Variants in DLG2 observed in about 807,000 individuals in gnomAD.
DLG2 encodes the protein discs large MAGUK scaffold protein 2.
A neutral mutation model predicts 132.5 loss-of-function variants in DLG2; 45 were observed. That is an observed-to-expected ratio of 0.34 (90% confidence interval 0.27 to 0.44). The LOEUF (loss-of-function observed/expected upper bound fraction) is 0.44, where lower values mean the gene tolerates loss of function less well. DLG2 is among the 20% of genes least tolerant of loss of function. The pLI, the probability that DLG2 is intolerant of heterozygous loss-of-function variation, is 1.00. For missense variants in DLG2, 1,045 were observed against 1,196.9 expected (o/e 0.87, Z 1.87); for synonymous variants, 424 against 419.6 (o/e 1.01, Z -0.13).
intron 17 of DLG2, among the ~76,000 whole-genome samples, chr11:83,799,737 G>A (rs916216760): frequency 1.3e-5 from 2 of 152,138 alleles, no homozygotes; most frequent in Non-Finnish European, 2.9e-5. Context: ...GGTTTGGGTG[G>A]GAGGATAATG....
chr11:85,474,152 T>A (rs1451608109), intron 3 of DLG2, among the ~76,000 whole-genome samples: 2 of 151,958 alleles, frequency 1.3e-5, no homozygotes, highest in African/African-American at 2.4e-5. Context: ...ACCAAAATAG[T>A]TAAATTGTTA....
chr11:85,159,492 C>T (rs1227808777), intron 4 of DLG2, among the ~76,000 whole-genome samples: 2 of 152,176 alleles, frequency 1.3e-5, no homozygotes, highest in Non-Finnish European at 2.9e-5. Context: ...AGTGCCAACA[C>T]CAAGGACTTG....
intron 7 of DLG2, among the ~76,000 whole-genome samples, chr11:84,322,553 T>C (rs1347288507): frequency 1.3e-5 from 2 of 151,964 alleles, no homozygotes; most frequent in African/African-American, 4.8e-5. Flanking sequence ...GTCATATTAA[T>C]TTTAAAATAA....
At chr11:84,132,581 A>G (rs1316003003) in intron 9 of DLG2, among the ~76,000 whole-genome samples, 1 of 152,008 alleles carries the variant, frequency 6.6e-6, no homozygotes, top group African/African-American at 2.4e-5. Context: ...TTTATTGAGA[A>G]CCTACTATGT....
Position 84,018,551 on chromosome 11 carries a change from G to C in DLG2, c.920-37909C>G, listed in dbSNP as rs1038146007. Among the ~76,000 whole-genome samples, 3 of 151,888 alleles carry C rather than the reference G, an allele frequency of 2.0e-5. No homozygotes were observed. In the East Asian group the frequency reaches 5.8e-4, roughly 29 times the overall value. ...CATTAATGGCTGCTAATGTAAAAAA[G>C]GGTGAAAATAATATTACTTGCTTTA... On this transcript the variant is annotated intron_variant, in intron 11 of 27. Transcript: ENST00000376104.
intron 19 of DLG2, among the ~76,000 whole-genome samples, chr11:83,619,890 G>T (rs2061374651): frequency 6.8e-6 from 1 of 147,042 alleles, no homozygotes; most frequent in Non-Finnish European, 1.5e-5. Context: ...GAAAAAGTAA[G>T]ATGACACTGG....
At chr11:83,982,728 A>C (rs2092907290) in intron 11 of DLG2, among the ~76,000 whole-genome samples, 1 of 152,136 alleles carries the variant, frequency 6.6e-6, no homozygotes, top group African/African-American at 2.4e-5. Flanking sequence ...CTAGGACTTC[A>C]CATTTACTCA....
At chr11:84,868,493 G>C (rs191461978) in intron 6 of DLG2, among the ~76,000 whole-genome samples, 8 of 152,224 alleles carry the variant, frequency 5.3e-5, no homozygotes, top group Non-Finnish European at 8.8e-5. Flanking sequence ...TTCGTAACCA[G>C]AGAAACAGAA....
At chr11:85,477,914 G>T (rs1565552809) in intron 3 of DLG2, among the ~76,000 whole-genome samples, 1 of 152,160 alleles carries the variant, frequency 6.6e-6, no homozygotes, top group African/African-American at 2.4e-5. Context: ...TGTCCACAAG[G>T]TTCTTAGCAC....
intron 7 of DLG2, among the ~76,000 whole-genome samples, chr11:84,371,982 T>C (rs911061394): frequency 2.6e-5 from 4 of 152,224 alleles, no homozygotes; most frequent in Non-Finnish European, 5.9e-5. Context: ...AAAAATTGCA[T>C]GTTCAGATCT....
intron 3 of DLG2, among the ~76,000 whole-genome samples, chr11:85,576,718 G>A (rs2153227022): frequency 6.6e-6 from 1 of 152,178 alleles, no homozygotes; most frequent in African/African-American, 2.4e-5. Flanking sequence ...AGACAACCAA[G>A]TTCTTTCCTT....
At chr11:85,483,774 T>C (rs1490476608) in intron 3 of DLG2, among the ~76,000 whole-genome samples, 1 of 151,570 alleles carries the variant, frequency 6.6e-6, no homozygotes, top group African/African-American at 2.4e-5. Context: ...TGAAACCCTG[T>C]CTCTACTAAA....
intron 6 of DLG2, among the ~76,000 whole-genome samples, chr11:84,842,574 C>T (rs1482399065): frequency 1.3e-5 from 2 of 152,078 alleles, no homozygotes; most frequent in East Asian, 1.9e-4. Flanking sequence ...TAGGGCCATA[C>T]ACAAATGCCC....
chr11:84,118,971 C>T (rs753931396), intron 9 of DLG2, among the ~76,000 whole-genome samples: 11 of 152,106 alleles, frequency 7.2e-5, no homozygotes, highest in Non-Finnish European at 1.3e-4. Context: ...AAAAGCAAAA[C>T]GTGTTTATAA....
chr11:85,298,337 T>C (rs1398832811), intron 3 of DLG2, among the ~76,000 whole-genome samples: 1 of 152,076 alleles, frequency 6.6e-6, no homozygotes, highest in African/African-American at 2.4e-5. Flanking sequence ...AGTTTAAACA[T>C]ACACAAAAGT....
At chr11:85,366,134 T>C (rs1432864365) in intron 3 of DLG2, among the ~76,000 whole-genome samples, 2 of 152,184 alleles carry the variant, frequency 1.3e-5, no homozygotes, top group East Asian at 3.9e-4. Flanking sequence ...ATTACCAAAA[T>C]GTAATTGCTA....
intron 15 of DLG2, among the ~76,000 whole-genome samples, chr11:83,890,150 G>A (rs1183361360): frequency 6.6e-6 from 1 of 151,558 alleles, no homozygotes; most frequent in Non-Finnish European, 1.5e-5. Context: ...AAAATAGAGA[G>A]GTACTACAAA....
chr11:84,052,140 C>T (rs10898194), intron 11 of DLG2, among the ~76,000 whole-genome samples: 119,099 of 151,736 alleles, frequency 0.78, 47,245 homozygotes, highest in Non-Finnish European at 0.86. Context: ...AGAAAAATCC[C>T]AAACATATAT....
chr11:85,033,493 T>A (rs1436632082), intron 6 of DLG2, among the ~76,000 whole-genome samples: 1 of 152,170 alleles, frequency 6.6e-6, no homozygotes, highest in African/African-American at 2.4e-5. Context: ...TTTTATATGG[T>A]TCAAGCAAGG....
Sources: gnomAD v4.1 joint callset for allele counts (sites outside exome capture counted in the v4.1 genomes callset) on GRCh38, gnomAD v4.1.1 for gene constraint, MANE v1.5 for transcripts, NCBI Gene and HGNC (gene_info 2026-07-23, HGNC 2026-07-21) for gene names.